The following DLG5 variants were observed in gnomAD, a reference collection of about 807,000 sequenced individuals.
The protein encoded by DLG5 is disks large homolog 5.
In DLG5, 48 loss-of-function variants were observed where a neutral mutation model predicts 189.8. The ratio of observed to expected loss-of-function variants is 0.25; its 90% CI spans 0.20 to 0.32. DLG5 has a LOEUF of 0.32. Ranked by LOEUF, DLG5 falls within the 10% of genes least tolerant of loss-of-function variation. The probability of loss-of-function intolerance (pLI) is 1.00; values close to 1 mark genes in which losing one functional copy is unlikely to be tolerated. For missense variants in DLG5, 2,160 were observed against 2,544.7 expected, an observed-to-expected ratio of 0.85 and a Z score of 3.25; for synonymous variants, 1,016 against 1,054.1, an observed-to-expected ratio of 0.96 and a Z score of 0.70.
At chr10:77,914,498 C>G (rs1422702194) in intron 1 of DLG5, among the ~76,000 whole-genome samples, 2 of 152,174 alleles carry the variant, frequency 1.3e-5, no homozygotes, top group African/African-American at 4.8e-5. Context: ...GGTTAAGCGA[C>G]TTGAAGTCAC....
chr10:77,830,190 C>T (rs1842833459), intron 11 of DLG5, 27 bp downstream of exon 11: 2 of 1,613,528 alleles, frequency 1.2e-6, no homozygotes, highest in Non-Finnish European at 8.5e-7. Context: ...CCCACCTTGC[C>T]TCCAGAGCCT....
At chr10:77,914,733 A>C (rs982325640) in intron 1 of DLG5, among the ~76,000 whole-genome samples, 2 of 152,122 alleles carry the variant, frequency 1.3e-5, no homozygotes, top group Admixed American at 6.5e-5. Flanking sequence ...AGAACCTCCC[A>C]GGGGCTCAGC....
chr10:77,820,821 A>C (rs1842307507), intron 15 of DLG5: 1 of 507,598 alleles, frequency 2.0e-6, no homozygotes, highest in Non-Finnish European at 3.4e-6. Flanking sequence ...TAAGTTCAAA[A>C]GCTTCTTATT....
chr10:77,801,992 G>C (rs897531105), intron 27 of DLG5, among the ~76,000 whole-genome samples: 1 of 152,218 alleles, frequency 6.6e-6, no homozygotes, highest in Non-Finnish European at 1.5e-5. Flanking sequence ...CGTGGAGGAC[G>C]AGGTGACGTG....
At chr10:77,841,447 T>C (rs564418373) in intron 7 of DLG5, among the ~76,000 whole-genome samples, 1 of 152,332 alleles carries the variant, frequency 6.6e-6, no homozygotes, top group East Asian at 1.9e-4. Context: ...AGATGCACAC[T>C]GCTGGTGAAA....
chr10:77,860,067 A>C (rs1329226659), intron 2 of DLG5, among the ~76,000 whole-genome samples: 1 of 152,224 alleles, frequency 6.6e-6, no homozygotes, highest in Non-Finnish European at 1.5e-5. Flanking sequence ...GGGGGAGGTT[A>C]TGTTCCAGGC....
chr10:77,902,626 C>T (rs1208192022), intron 1 of DLG5, among the ~76,000 whole-genome samples: 4 of 151,856 alleles, frequency 2.6e-5, no homozygotes, highest in African/African-American at 4.8e-5. Context: ...TTTGGGAGGC[C>T]GAGGTGGGCG....
At chr10:77,918,158 C>T (rs1846423967) in intron 1 of DLG5, among the ~76,000 whole-genome samples, 2 of 152,058 alleles carry the variant, frequency 1.3e-5, no homozygotes. Flanking sequence ...CGCCTGTAAT[C>T]CCAGCACTTT....
intron 1 of DLG5, among the ~76,000 whole-genome samples, chr10:77,899,219 G>C (rs1461673142): frequency 6.6e-6 from 1 of 152,188 alleles, no homozygotes; most frequent in Non-Finnish European, 1.5e-5. Context: ...CTCCCAGACT[G>C]GGGGAGCTCA....
At chr10:77,876,610 G>A (rs1412329998) in intron 1 of DLG5, among the ~76,000 whole-genome samples, 2 of 149,068 alleles carry the variant, frequency 1.3e-5, no homozygotes, top group Non-Finnish European at 3.0e-5. Context: ...CTGACTTCAG[G>A]TGATCCACCC....
At chr10:77,903,630 C>CAAAA (rs574454210) in intron 1 of DLG5, among the ~76,000 whole-genome samples, 3 of 58,710 alleles carry the variant, frequency 5.1e-5, no homozygotes, top group Non-Finnish European at 8.9e-5. Context: ...AACTCCATCT[C>CAAAA]AAAAAAAAAA....
chr10:77,881,628 A>G (rs921569256), intron 1 of DLG5, among the ~76,000 whole-genome samples: 6 of 152,206 alleles, frequency 3.9e-5, no homozygotes, highest in African/African-American at 1.4e-4. Context: ...GGGTCTTTAG[A>G]AGGCAGCAAG....
chr10:77,921,706 C>G (rs1248783150), intron 1 of DLG5, among the ~76,000 whole-genome samples: 1 of 152,218 alleles, frequency 6.6e-6, no homozygotes, highest in Non-Finnish European at 1.5e-5. Context: ...CACTTCAACA[C>G]CAAGTCCCAG....
intron 20 of DLG5, among the ~76,000 whole-genome samples, chr10:77,814,460 T>TC (rs1351836823): frequency 1.0e-5 from 1 of 99,016 alleles, no homozygotes; most frequent in Non-Finnish European, 1.9e-5. Flanking sequence ...ATAAAGCATG[T>TC]TTATATATAT....
chr10:77,865,435 GC>G (rs1844635862), intron 2 of DLG5, among the ~76,000 whole-genome samples: 1 of 152,106 alleles, frequency 6.6e-6, no homozygotes, highest in African/African-American at 2.4e-5. Flanking sequence ...TATGAGAGAA[GC>G]CCTCCAGCAA....
Position 77,794,264 on chromosome 10 carries a change from C to A in DLG5, c.5547-147G>T, listed in dbSNP as rs999579409. Reference sequence around the variant, plus strand: ...GTGCTCCCCACATAAAGCACAGCAACAGCCTGTAGGCTGTCGGGGGAGCTC... The same window carrying A: ...GTGCTCCCCACATAAAGCACAGCAAAAGCCTGTAGGCTGTCGGGGGAGCTC... On this transcript the variant is annotated intron_variant, in intron 30 of 31. Coordinates refer to ENST00000372391, the MANE Select transcript of DLG5 (RefSeq NM_004747.4). 1.9e-5 allele frequency: 13 copies of A among 683,464 alleles called. No individual in the cohort carries two copies. In the African/African-American group the frequency reaches 2.0e-4, roughly 10 times the overall value. 42.3% of individuals were successfully genotyped at this position (683,464 alleles called of 1,614,324 possible). A position where few individuals can be genotyped will look rare whatever the true frequency, so the allele number is the denominator to read the frequency against.
chr10:77,879,777 C>T (rs1845218309), intron 1 of DLG5, among the ~76,000 whole-genome samples: 1 of 151,540 alleles, frequency 6.6e-6, no homozygotes, highest in Non-Finnish European at 1.5e-5. Context: ...GATGTTGGTC[C>T]TTGCTGAAAG....
chr10:77,904,944 C>G (rs1009199553), intron 1 of DLG5, among the ~76,000 whole-genome samples: 1 of 151,788 alleles, frequency 6.6e-6, no homozygotes, highest in Non-Finnish European at 1.5e-5. Context: ...GCCTGACCAA[C>G]ATGGTGAAAC....
rs60644218 is a variant in DLG5, at chr10:77,876,373, CT to C, written c.305-7177del. Among the ~76,000 whole-genome samples the C allele has an allele frequency of 6.2e-3, 839 of 134,902 alleles. 6 individuals carry two copies. Among genetic ancestry groups the C allele is most frequent in the African/African-American group, 0.017 (632 of 36,510 alleles). 88.5% of individuals were successfully genotyped at this position (134,902 alleles called of 152,430 possible). ...GGCAATATAGCAAGACCCCATCTCT[CT>C]TTTTTTTTTTTTTTTTTTGAAAGAG... On this transcript the variant is annotated intron_variant, in intron 1 of 31. Transcript: ENST00000372391.
Sources: gnomAD v4.1 joint callset for allele counts (sites outside exome capture counted in the v4.1 genomes callset) on GRCh38, gnomAD v4.1.1 for gene constraint, MANE v1.5 for transcripts, NCBI Gene and HGNC (gene_info 2026-07-23, HGNC 2026-07-21) for gene names.